Variants in CNBD1 observed in about 807,000 individuals in gnomAD.
The protein encoded by CNBD1 is cyclic nucleotide-binding domain-containing protein 1.
CNBD1 carries 71 observed loss-of-function variants against 54.4 expected under a neutral mutation model. The ratio of observed to expected loss-of-function variants is 1.30; its 90% CI spans 1.08 to 1.59. CNBD1 has a LOEUF of 1.59. Among genes scored for constraint, CNBD1 ranks in the 40% most tolerant of loss-of-function variants. The pLI is 0.00. For missense variants in CNBD1, 659 were observed against 518.0 expected, an observed-to-expected ratio of 1.27 and a Z score of -2.64; for synonymous variants, 182 against 170.7, an observed-to-expected ratio of 1.07 and a Z score of -0.51.
At chr8:87,337,342 C>A (rs1467322369) in intron 8 of CNBD1, among the ~76,000 whole-genome samples, 2 of 152,122 alleles carry the variant, frequency 1.3e-5, no homozygotes, top group Non-Finnish European at 2.9e-5. Flanking sequence ...TTCTGCTACC[C>A]CTCCAACTAG....
chr8:87,060,809 C>A (rs974608224), intron 4 of CNBD1, among the ~76,000 whole-genome samples: 6 of 151,932 alleles, frequency 3.9e-5, no homozygotes, highest in African/African-American at 1.4e-4. Context: ...ATATAGGGAG[C>A]AAATCCAATC....
rs184193093 is a variant in CNBD1, at chr8:87,130,515, A to G, written c.432-75478A>G. 1.4e-4 allele frequency among the ~76,000 whole-genome samples: 22 copies of G among 152,158 alleles called. No homozygotes were observed. The East Asian group carries it at 4.1e-3, about 28-fold the overall frequency. ...TGAGAGGCTGGGTGTGGTGGTTCAC[A>G]CCTCTAATTCTAGCACTTTGGGAGG... On this transcript the variant is annotated intron_variant, in intron 4 of 10. Transcript: ENST00000518476.
intron 2 of CNBD1, among the ~76,000 whole-genome samples, chr8:87,423,528 G>A (rs999335875): frequency 2.0e-5 from 3 of 151,278 alleles, no homozygotes; most frequent in African/African-American, 7.4e-5. Context: ...CATCTATTGA[G>A]ATAATCATGT....
chr8:87,348,609 G>A (rs1434941906), intron 8 of CNBD1, among the ~76,000 whole-genome samples: 1 of 152,134 alleles, frequency 6.6e-6, no homozygotes. Flanking sequence ...TGTCCATCCT[G>A]AGATATATTC....
At chr8:87,289,325 C>T (rs900176122) in intron 8 of CNBD1, among the ~76,000 whole-genome samples, 6 of 152,046 alleles carry the variant, frequency 3.9e-5, no homozygotes, top group African/African-American at 1.4e-4. Flanking sequence ...GCTTCATATG[C>T]CAAGGGAACC....
intron 8 of CNBD1, among the ~76,000 whole-genome samples, chr8:87,309,910 G>T (rs1294184435): frequency 6.6e-6 from 1 of 152,148 alleles, no homozygotes; most frequent in Non-Finnish European, 1.5e-5. Context: ...TCTCTTCATG[G>T]ATGAAATGAT....
intron 6 of CNBD1, among the ~76,000 whole-genome samples, chr8:87,247,073 G>A (rs1397233522): frequency 6.6e-6 from 1 of 152,026 alleles, no homozygotes; most frequent in East Asian, 1.9e-4. Flanking sequence ...GTAGGATATT[G>A]GAAACAGGAG....
intron 2 of CNBD1, among the ~76,000 whole-genome samples, chr8:87,397,140 G>T (rs562767454): frequency 3.3e-5 from 5 of 151,644 alleles, no homozygotes; most frequent in African/African-American, 9.7e-5. Context: ...AGCCACTCTT[G>T]CCTTATTTTT....
intron 5 of CNBD1, among the ~76,000 whole-genome samples, chr8:87,221,222 A>G (rs1586339171): frequency 6.6e-6 from 1 of 152,106 alleles, no homozygotes; most frequent in Non-Finnish European, 1.5e-5. Flanking sequence ...ACTTCATTTT[A>G]AAAATTAGCA....
At chr8:87,106,769 C>T (rs1012482855) in intron 4 of CNBD1, among the ~76,000 whole-genome samples, 5 of 152,146 alleles carry the variant, frequency 3.3e-5, no homozygotes, top group Non-Finnish European at 7.3e-5. Context: ...TTATCCTAAA[C>T]ACATACTTTT....
intron 4 of CNBD1, among the ~76,000 whole-genome samples, chr8:87,197,875 T>C (rs1218247825): frequency 6.6e-6 from 1 of 152,164 alleles, no homozygotes; most frequent in Non-Finnish European, 1.5e-5. Context: ...TAACCCCTTG[T>C]CATTAGGTGC....
chr8:87,354,209 C>G (rs1018664910), intron 10 of CNBD1, among the ~76,000 whole-genome samples: 2 of 151,932 alleles, frequency 1.3e-5, no homozygotes, highest in African/African-American at 4.8e-5. Context: ...CTGTGTGAGT[C>G]CTTAGGATAA....
intron 8 of CNBD1, among the ~76,000 whole-genome samples, chr8:87,335,395 G>C (rs1221980993): frequency 6.6e-6 from 1 of 152,054 alleles, no homozygotes; most frequent in South Asian, 2.1e-4. Context: ...CTCCTGTATT[G>C]GGTGTATATA....
intron 2 of CNBD1, among the ~76,000 whole-genome samples, chr8:86,888,124 A>T (rs1011900826): frequency 6.6e-6 from 1 of 152,120 alleles, no homozygotes; most frequent in Non-Finnish European, 1.5e-5. Flanking sequence ...TTCCATATGC[A>T]TCAGTGTCCA....
intron 4 of CNBD1, among the ~76,000 whole-genome samples, chr8:87,035,380 G>C (rs1399286479): frequency 6.6e-6 from 1 of 152,166 alleles, no homozygotes; most frequent in Non-Finnish European, 1.5e-5. Flanking sequence ...GGAGTCCCCA[G>C]TGATGTTAGC....
intron 2 of CNBD1, among the ~76,000 whole-genome samples, chr8:87,389,455 T>C (rs372653911): frequency 6.6e-5 from 10 of 152,122 alleles, no homozygotes; most frequent in African/African-American, 1.9e-4. Context: ...TATACACCAA[T>C]AACAGACAAA....
At chr8:87,273,678 A>T (rs1808414566) in intron 6 of CNBD1, among the ~76,000 whole-genome samples, 1 of 151,962 alleles carries the variant, frequency 6.6e-6, no homozygotes, top group Admixed American at 6.6e-5. Flanking sequence ...TTCTTTGCTG[A>T]TCCACTCCTT....
intron 5 of CNBD1, among the ~76,000 whole-genome samples, chr8:87,224,563 T>C (rs1304628760): frequency 2.0e-5 from 3 of 151,154 alleles, no homozygotes; most frequent in Non-Finnish European, 4.4e-5. Context: ...AGATGTGCGG[T>C]GTTATTTCTG....
intron 4 of CNBD1, among the ~76,000 whole-genome samples, chr8:87,160,129 A>G (rs1421405194): frequency 6.6e-6 from 1 of 152,070 alleles, no homozygotes; most frequent in Non-Finnish European, 1.5e-5. Flanking sequence ...TTATCATATC[A>G]TTTGAAGTGC....
Sources: gnomAD v4.1 joint callset for allele counts (sites outside exome capture counted in the v4.1 genomes callset) on GRCh38, gnomAD v4.1.1 for gene constraint, MANE v1.5 for transcripts, NCBI Gene and HGNC (gene_info 2026-07-23, HGNC 2026-07-21) for gene names.